ADGRL3: variants seen among roughly 807,000 people sequenced by gnomAD.
ADGRL3 encodes adhesion G protein-coupled receptor L3, also known as calcium-independent alpha-latrotoxin receptor 3.
Under a neutral mutation model 153.5 loss-of-function variants are expected in ADGRL3, and 62 were observed. The observed-to-expected ratio is 0.40, with a 90% confidence interval of 0.33 to 0.50. The LOEUF (loss-of-function observed/expected upper bound fraction) is 0.50, where lower values mean the gene tolerates loss of function less well. Ranked by LOEUF, ADGRL3 falls within the 20% of genes least tolerant of loss-of-function variation. The probability of loss-of-function intolerance (pLI) is 0.47; values close to 1 mark genes in which losing one functional copy is unlikely to be tolerated. For missense variants in ADGRL3, 1,641 were observed against 1,859.4 expected (o/e 0.88, Z 2.16); for synonymous variants, 710 against 672.5 (o/e 1.06, Z -0.86).
At chr4:61,698,665 A>C (rs2095689147) in intron 6 of ADGRL3, among the ~76,000 whole-genome samples, 1 of 152,110 alleles carries the variant, frequency 6.6e-6, no homozygotes, top group South Asian at 2.1e-4. Flanking sequence ...GTAATTTGTG[A>C]GTTTATCTTA....
chr4:61,819,183 C>A (rs1213709851), intron 9 of ADGRL3, among the ~76,000 whole-genome samples: 1 of 152,076 alleles, frequency 6.6e-6, no homozygotes, highest in Non-Finnish European at 1.5e-5. Context: ...CATCTGTTGA[C>A]AAGGGACATG....
chr4:61,408,996 C>T (rs899752243), intron 2 of ADGRL3, among the ~76,000 whole-genome samples: 4 of 151,390 alleles, frequency 2.6e-5, no homozygotes, highest in African/African-American at 7.3e-5. Flanking sequence ...GTATTCCTGA[C>T]CCTTAATGTG....
intron 1 of ADGRL3, among the ~76,000 whole-genome samples, chr4:61,270,997 C>G (rs1185388433): frequency 6.6e-6 from 1 of 151,614 alleles, no homozygotes; most frequent in Non-Finnish European, 1.5e-5. Context: ...TTGAGAGCCT[C>G]CTATATGAGA....
At chr4:61,909,505 A>G (rs1253169458) in intron 11 of ADGRL3, 55 bp from the exon 12 acceptor site, 2 of 1,204,418 alleles carry the variant, frequency 1.7e-6, no homozygotes, top group Non-Finnish European at 2.4e-6. Flanking sequence ...GAAAGAAAGC[A>G]ATAAAAGTAT....
At chr4:61,695,746 A>G (rs1018593126) in intron 6 of ADGRL3, among the ~76,000 whole-genome samples, 1 of 152,100 alleles carries the variant, frequency 6.6e-6, no homozygotes, top group Non-Finnish European at 1.5e-5. Context: ...TTTTGTCTAC[A>G]TTGATAATTG....
intron 21 of ADGRL3, among the ~76,000 whole-genome samples, chr4:62,019,452 A>G (rs965502816): frequency 6.6e-6 from 1 of 152,194 alleles, no homozygotes. Flanking sequence ...GGCTTAGAAT[A>G]TGTTTGATTT....
At chr4:61,723,370 C>A (rs903060065) in intron 6 of ADGRL3, among the ~76,000 whole-genome samples, 1 of 152,002 alleles carries the variant, frequency 6.6e-6, no homozygotes. Flanking sequence ...CACGGACACA[C>A]GTGGAGTGGT....
chr4:61,786,740 T>C (rs1013465558), intron 8 of ADGRL3, among the ~76,000 whole-genome samples: 1 of 152,214 alleles, frequency 6.6e-6, no homozygotes, highest in Non-Finnish European at 1.5e-5. Context: ...TTACATTAAA[T>C]GAGATTTTGT....
intron 5 of ADGRL3, among the ~76,000 whole-genome samples, chr4:61,674,756 G>A (rs749254668): frequency 8.6e-5 from 13 of 151,898 alleles, no homozygotes; most frequent in Non-Finnish European, 1.9e-4. Flanking sequence ...AAGGTGTAAT[G>A]TGAAAATTAT....
intron 1 of ADGRL3, among the ~76,000 whole-genome samples, chr4:61,334,435 A>G (rs191242564): frequency 2.6e-5 from 4 of 152,302 alleles, no homozygotes; most frequent in East Asian, 1.9e-4. Context: ...TTTAAAGGGT[A>G]TATTTGATAT....
intron 11 of ADGRL3, among the ~76,000 whole-genome samples, chr4:61,897,867 G>A (rs577747339): frequency 2.0e-5 from 3 of 152,228 alleles, no homozygotes; most frequent in African/African-American, 7.2e-5. Flanking sequence ...AAGGCAAACT[G>A]CAAGGGATTG....
chr4:62,049,621 T>C (rs1441552760), intron 25 of ADGRL3, among the ~76,000 whole-genome samples: 2 of 152,178 alleles, frequency 1.3e-5, no homozygotes, highest in Non-Finnish European at 2.9e-5. Context: ...TTCATAGATT[T>C]TTAAGGGTAA....
chr4:61,879,780 C>T (rs2098498589), intron 9 of ADGRL3, among the ~76,000 whole-genome samples: 1 of 152,024 alleles, frequency 6.6e-6, no homozygotes, highest in African/African-American at 2.4e-5. Flanking sequence ...AGTGCAGTGG[C>T]ACAATCGTAG....
intron 8 of ADGRL3, among the ~76,000 whole-genome samples, chr4:61,755,628 A>T (rs1329435481): frequency 6.6e-6 from 1 of 151,948 alleles, no homozygotes; most frequent in East Asian, 1.9e-4. Context: ...GTTTAATTAG[A>T]TCCCATTTGT....
chr4:61,256,971 TA>T (rs1341654511), intron 1 of ADGRL3, among the ~76,000 whole-genome samples: 1 of 152,126 alleles, frequency 6.6e-6, no homozygotes, highest in African/African-American at 2.4e-5. Context: ...CACACACACA[TA>T]AAATCAAATT....
At chr4:61,489,070 A>G (rs1408273241) in intron 2 of ADGRL3, among the ~76,000 whole-genome samples, 1 of 152,012 alleles carries the variant, frequency 6.6e-6, no homozygotes, top group African/African-American at 2.4e-5. Flanking sequence ...AATTTTTCTC[A>G]TTAATCGAAT....
intron 21 of ADGRL3, among the ~76,000 whole-genome samples, chr4:62,021,910 A>G (rs925363050): frequency 6.6e-6 from 1 of 152,130 alleles, no homozygotes; most frequent in African/African-American, 2.4e-5. Flanking sequence ...AGACACAGCA[A>G]TATTGAAATT....
chr4:61,973,535 T>C (rs2099036993), intron 17 of ADGRL3, among the ~76,000 whole-genome samples: 1 of 152,172 alleles, frequency 6.6e-6, no homozygotes, highest in South Asian at 2.1e-4. Context: ...AAAACAATTA[T>C]TGTTTGTATA....
At chr4:61,731,157 T>A (rs1279512308) in intron 7 of ADGRL3, among the ~76,000 whole-genome samples, 1 of 152,010 alleles carries the variant, frequency 6.6e-6, no homozygotes, top group African/African-American at 2.4e-5. Flanking sequence ...ATCAATATTA[T>A]TATGGATTGT....
Sources: allele counts gnomAD v4.1 joint callset (sites outside exome capture counted in the v4.1 genomes callset), GRCh38; gene constraint gnomAD v4.1.1; transcripts MANE v1.5; gene names NCBI Gene and HGNC (gene_info 2026-07-23, HGNC 2026-07-21).